Variants in GABRA2 observed in about 807,000 individuals in gnomAD.
GABRA2 encodes gamma-aminobutyric acid type A receptor subunit alpha2.
GABRA2 carries 16 observed loss-of-function variants against 48.7 expected under a neutral mutation model. The ratio of observed to expected loss-of-function variants is 0.33; its 90% CI spans 0.22 to 0.50. The LOEUF is 0.50. Among genes scored for constraint, GABRA2 ranks in the 20% least tolerant of loss-of-function variants. GABRA2 has a pLI of 0.98. For missense variants in GABRA2, 275 were observed against 535.6 expected (o/e 0.51, Z 4.80); for synonymous variants, 185 against 184.5 (o/e 1.00, Z -0.02).
At chr4:46,374,845 AT>A (rs761550299) in intron 3 of GABRA2, among the ~76,000 whole-genome samples, 4 of 150,892 alleles carry the variant, frequency 2.7e-5, no homozygotes, top group African/African-American at 9.8e-5. Context: ...ACAAAAAAAA[AT>A]GGCATCACAC....
At chr4:46,371,792 T>C (rs979641363) in intron 3 of GABRA2, among the ~76,000 whole-genome samples, 6 of 152,194 alleles carry the variant, frequency 3.9e-5, no homozygotes, top group African/African-American at 1.4e-4. Context: ...CACCACCATT[T>C]AGAAATAAAA....
At chr4:46,252,310 A>G (rs1051477725) in intron 9 of GABRA2, among the ~76,000 whole-genome samples, 2 of 151,520 alleles carry the variant, frequency 1.3e-5, no homozygotes, top group African/African-American at 2.4e-5. Flanking sequence ...GTAATGATGC[A>G]TATAGTTCCC....
intron 8 of GABRA2, among the ~76,000 whole-genome samples, chr4:46,270,440 T>A (rs1405811172): frequency 6.6e-6 from 1 of 152,008 alleles, no homozygotes; most frequent in Non-Finnish European, 1.5e-5. Flanking sequence ...TCCATGTACC[T>A]CTCTACCAAC....
chr4:46,372,351 T>C (rs16859349), intron 3 of GABRA2, among the ~76,000 whole-genome samples: 2,375 of 152,294 alleles, frequency 0.016, 22 homozygotes, highest in Middle Eastern at 0.024. Context: ...CTTATTTTTC[T>C]GACATAAGGA....
chr4:46,386,151 T>C lies in GABRA2; in HGVS notation c.110A>G (p.Asn37Ser), dbSNP rs1343995813. The C allele has an allele frequency of 1.2e-6, 2 of 1,610,918 alleles. No individual in the cohort carries two copies. The highest frequency in any genetic ancestry group is 1.7e-6 in the Non-Finnish European group (2 of 1,178,774). The change falls in exon 3 of 10, where the codon AAT becomes AGT. Residue 37 changes from asparagine to serine, a missense_variant. Asn to Ser is a conservative substitution (Grantham distance 46). Coordinates refer to ENST00000381620, the MANE Select transcript of GABRA2 (RefSeq NM_000807.4). ...AATTCTCGTAAAGATGGTAATGTTA[T>C]TTTTAGCCTCATCTTCTTGGATGTT... is the stretch of plus-strand genomic sequence containing the variant. Reference protein sequence around the residue: ...LANIQEDEAKNNITIFTRILD... With the variant: ...LANIQEDEAKSNITIFTRILD...
At chr4:46,387,359 A>G (rs1717609285) in intron 2 of GABRA2, among the ~76,000 whole-genome samples, 2 of 152,202 alleles carry the variant, frequency 1.3e-5, no homozygotes, top group South Asian at 2.1e-4. Flanking sequence ...AAAAGTGTCC[A>G]TTTGCATTTA....
chr4:46,309,153 A>T (rs889241374), intron 6 of GABRA2, among the ~76,000 whole-genome samples: 3 of 152,142 alleles, frequency 2.0e-5, no homozygotes, highest in African/African-American at 7.2e-5. Context: ...GAAAATTGAG[A>T]CCTGACACCT....
intron 3 of GABRA2, among the ~76,000 whole-genome samples, chr4:46,338,105 A>C (rs943802261): frequency 6.6e-6 from 1 of 151,876 alleles, no homozygotes; most frequent in African/African-American, 2.4e-5. Context: ...CATACACACC[A>C]TTTTAAAACT....
intron 8 of GABRA2, among the ~76,000 whole-genome samples, chr4:46,293,521 G>A (rs972980167): frequency 1.3e-5 from 2 of 152,158 alleles, no homozygotes; most frequent in African/African-American, 2.4e-5. Context: ...GGAGGTCAGG[G>A]AATTAATGGA....
intron 3 of GABRA2, among the ~76,000 whole-genome samples, chr4:46,336,673 T>G (rs1732286046): frequency 6.6e-6 from 1 of 152,154 alleles, no homozygotes; most frequent in Non-Finnish European, 1.5e-5. Flanking sequence ...TGTATAATCC[T>G]TAGAGCAATC....
intron 9 of GABRA2, among the ~76,000 whole-genome samples, chr4:46,252,027 AT>A (rs1714872690): frequency 6.6e-6 from 1 of 151,586 alleles, no homozygotes. Context: ...AAAGCAACAG[AT>A]ATAGAGGACA....
chr4:46,344,357 A>G (rs1733796111), intron 3 of GABRA2, among the ~76,000 whole-genome samples: 2 of 152,040 alleles, frequency 1.3e-5, no homozygotes, highest in African/African-American at 4.8e-5. Context: ...TGCTTGATTT[A>G]GAGATCTTGA....
intron 9 of GABRA2, among the ~76,000 whole-genome samples, chr4:46,258,373 G>A (rs1716277408): frequency 6.6e-6 from 1 of 151,770 alleles, no homozygotes; most frequent in South Asian, 2.1e-4. Flanking sequence ...TATAATGGAG[G>A]CCTAATCATT....
chr4:46,279,620 A>G (rs990190088), intron 8 of GABRA2, among the ~76,000 whole-genome samples: 1 of 152,086 alleles, frequency 6.6e-6, no homozygotes, highest in African/African-American at 2.4e-5. Context: ...TATATATTAA[A>G]ATATTCATAC....
intron 3 of GABRA2, among the ~76,000 whole-genome samples, chr4:46,351,588 T>C (rs529510334): frequency 7.2e-4 from 110 of 152,104 alleles, no homozygotes; most frequent in Admixed American, 7.1e-3. Context: ...AGAAATATAT[T>C]TTCTACAGAC....
intron 3 of GABRA2, among the ~76,000 whole-genome samples, chr4:46,350,900 C>T (rs1003746621): frequency 6.6e-6 from 1 of 151,696 alleles, no homozygotes; most frequent in Non-Finnish European, 1.5e-5. Context: ...ATCAAAAGTG[C>T]AAAGGTGTGG....
chr4:46,341,495 C>A (rs1733231127), intron 3 of GABRA2, among the ~76,000 whole-genome samples: 1 of 151,942 alleles, frequency 6.6e-6, no homozygotes, highest in Non-Finnish European at 1.5e-5. Context: ...AGCCTGTATT[C>A]TTTGTCTTTT....
At chr4:46,381,708 T>C (rs1264151979) in intron 3 of GABRA2, among the ~76,000 whole-genome samples, 1 of 152,078 alleles carries the variant, frequency 6.6e-6, no homozygotes, top group Non-Finnish European at 1.5e-5. Flanking sequence ...CACAGATGAG[T>C]AAATTAAGTC....
intron 3 of GABRA2, 115 bp from the exon 4 acceptor site, chr4:46,332,797 G>T: frequency 8.7e-6 from 5 of 576,858 alleles, no homozygotes; most frequent in Non-Finnish European, 1.5e-5. Flanking sequence ...GGGAGTACTG[G>T]GTTTTACTTT....
Sources: gnomAD v4.1 joint callset for allele counts (sites outside exome capture counted in the v4.1 genomes callset) on GRCh38, gnomAD v4.1.1 for gene constraint, MANE v1.5 for transcripts, NCBI Gene and HGNC (gene_info 2026-07-23, HGNC 2026-07-21) for gene names.